MVP: variants seen among roughly 807,000 people sequenced by gnomAD.
MVP encodes major vault protein, also known as lung resistance-related protein.
In MVP, 62 loss-of-function variants were observed where a neutral mutation model predicts 83.5. The observed-to-expected ratio is 0.74, with a 90% CI of 0.61 to 0.92. The LOEUF is 0.92. Ranked by LOEUF, MVP falls within the 40% of genes least tolerant of loss-of-function variation. The pLI, the probability that MVP is intolerant of heterozygous loss-of-function variation, is 0.00. For missense variants in MVP, 1,000 were observed against 1,203.4 expected, an observed-to-expected ratio of 0.83 and a Z score of 2.50; for synonymous variants, 505 against 504.1, an observed-to-expected ratio of 1.00 and a Z score of -0.02.
In MVP at chr16:29,823,836, G is replaced by A. The variant is rs145132907; in HGVS notation, c.-36+3326G>A. 2.1e-3 allele frequency among the ~76,000 whole-genome samples: 312 copies of A among 145,462 alleles called. 2 individuals carry two copies. The highest frequency in any genetic ancestry group is 7.6e-3 in the African/African-American group (298 of 38,998). On this transcript the variant is annotated intron_variant, in intron 1 of 14. Transcript: ENST00000357402. ...CAGCCTGGGTGACAGAGCGAGACTCGTCTCAGAAAAAAAAAAAAAAAATGA... is the reference window on the plus strand; with the variant it reads ...CAGCCTGGGTGACAGAGCGAGACTCATCTCAGAAAAAAAAAAAAAAAATGA...
At position 29,823,122 on chromosome 16, in the gene MVP, C is replaced by CTTTTTTTTTTTTTTT. The variant is rs66512916; in HGVS notation, c.-36+2618_-36+2632dup. Among the ~76,000 whole-genome samples, 52 of 98,492 alleles carry CTTTTTTTTTTTTTTT rather than the reference C, an allele frequency of 5.3e-4. 1 individual carries two copies. Among genetic ancestry groups the CTTTTTTTTTTTTTTT allele is most frequent in the East Asian group, 1.0e-3 (4 of 3,950 alleles). The allele number at this position is 98,492 out of a possible 152,430, so 64.6% of individuals were successfully genotyped here. A position where few individuals can be genotyped will look rare whatever the true frequency, so the allele number is the denominator to read the frequency against. On this transcript the variant is annotated intron_variant, in intron 1 of 14. Transcript: ENST00000357402. ...TTTTTTTTTCCTTTTCTTTTCTTTT[C>CTTTTTTTTTTTTTTT]TTTTTTTTTTTTTTTTTTTTGAGAT...
At chr16:29,846,043 G>A (rs1204819359) in intron 12 of MVP, 64 bp downstream of exon 12, 28 of 1,611,274 alleles carry the variant, frequency 1.7e-5, no homozygotes, top group Non-Finnish European at 2.4e-5. Context: ...CAGCTGGTGT[G>A]GGCAGCAGGC....
At chr16:29,846,001 G>A (rs1408981637) in intron 12 of MVP, 22 bp downstream of exon 12, 1 of 1,613,868 alleles carries the variant, frequency 6.2e-7, no homozygotes, top group South Asian at 1.1e-5. Context: ...ACTAGAGGAG[G>A]AGACTGGCAG....
Position 29,832,209 on chromosome 16 carries a change from G to T in MVP, c.321+1136G>T, listed in dbSNP as rs894475145. Among the ~76,000 whole-genome samples, 65 of 151,714 alleles carry T rather than the reference G, an allele frequency of 4.3e-4. 1 individual carries two copies. The highest frequency in any genetic ancestry group is 1.4e-3 in the African/African-American group (57 of 41,384). ...GTGCAGACAGTTTGGGGGAAGAAGT[G>T]TGTGTGTAGAGAGAAAATGAAGAAT... On this transcript the variant is annotated intron_variant, in intron 3 of 14. Transcript: ENST00000357402.
chr16:29,841,588 G>T lies in MVP; in HGVS notation c.1192-8G>T, dbSNP rs199637586. 8 of 1,578,084 alleles carry T rather than the reference G, an allele frequency of 5.1e-6. No homozygotes were observed. Among genetic ancestry groups the T allele is most frequent in the Non-Finnish European group, 6.9e-6 (8 of 1,159,754 alleles). ...ACGGGCAGCTTCCCTCCCTGTCCTC[G>T]TCCCAAGGTGCGCGCTGTGATTGGA... is the stretch of plus-strand genomic sequence containing the variant. On this transcript the variant is annotated splice_polypyrimidine_tract_variant and splice_region_variant and intron_variant, in intron 8 of 14. Transcript: ENST00000357402. This position sits in a 1 kb window ranked among gnomAD's most constrained non-coding sequence, Gnocchi z 4.7.
chr16:29,820,610 T>G (rs1446448294), intron 1 of MVP, 100 bp downstream of exon 1: 3 of 152,370 alleles, frequency 2.0e-5, no homozygotes, highest in Non-Finnish European at 4.4e-5. Flanking sequence ...AGGGCCTTGC[T>G]TCTGCTGGGG....
intron 1 of MVP, chr16:29,826,027 G>C (rs2067402568): frequency 6.6e-6 from 1 of 152,252 alleles, no homozygotes; most frequent in Admixed American, 6.5e-5. Context: ...TTCCATCCCT[G>C]CAGCTGGGGT....
chr16:29,844,209 C>A (rs747522915), intron 10 of MVP, among the ~76,000 whole-genome samples: 2 of 152,094 alleles, frequency 1.3e-5, no homozygotes, highest in Non-Finnish European at 2.9e-5. Context: ...TAAAGGAGAA[C>A]GTGTGTTAAG....
At chr16:29,833,695 C>A (rs777546849) in intron 3 of MVP, 38 bp from the exon 4 acceptor site, 1 of 1,612,676 alleles carries the variant, frequency 6.2e-7, no homozygotes, top group Non-Finnish European at 8.5e-7. Flanking sequence ...GGGGTCACAG[C>A]ACTGATGGTT....
Position 29,844,886 on chromosome 16 carries a change from G to A in MVP, c.2021+7G>A. The stretch of plus-strand genomic sequence containing the variant: ...CCCAGGAAGCGGCGGCCAAGTAAGT[G>A]AGGCTGGGAGCTCGGCTGCCTATAA... On this transcript the variant is annotated splice_region_variant and intron_variant, in intron 11 of 14. Transcript: ENST00000357402. 1 of 1,594,550 alleles carries A rather than the reference G, an allele frequency of 6.3e-7. No homozygotes were observed. The highest frequency in any genetic ancestry group is 8.5e-7 in the Non-Finnish European group (1 of 1,175,944).
chr16:29,828,214 C>T (rs574061885), intron 1 of MVP, among the ~76,000 whole-genome samples: 15 of 152,046 alleles, frequency 9.9e-5, no homozygotes, highest in African/African-American at 3.6e-4. Context: ...CGACCTCAGC[C>T]TCCCAAAGTG....
intron 10 of MVP, among the ~76,000 whole-genome samples, chr16:29,844,116 C>G (rs2067560489): frequency 6.6e-6 from 1 of 152,214 alleles, no homozygotes; most frequent in Non-Finnish European, 1.5e-5. Flanking sequence ...GGGCCAGCCA[C>G]TTGACTTCCC....
chr16:29,847,299 G>T lies in MVP; in HGVS notation c.2368G>T (p.Val790Leu). 6.2e-7 allele frequency: 1 copy of T among 1,612,456 alleles called. No homozygotes were observed. The highest frequency in any genetic ancestry group is 8.5e-7 in the Non-Finnish European group (1 of 1,179,586). Residue 790 changes from valine (V) to leucine (L), a missense_variant, in exon 14 of 15, where the codon GTG (valine) becomes TTG (leucine). Transcript: ENST00000357402. ...EVSKAQQLAEVEVKKFKQMTE... is the reference protein window; with the variant it reads ...EVSKAQQLAELEVKKFKQMTE... ...GAGCAAGGCTCAGCAGCTGGCTGAG[G>T]TGGAGGTGAAGAAGTTCAAGCAGAT...
intron 3 of MVP, among the ~76,000 whole-genome samples, chr16:29,832,070 G>A (rs1040737882): frequency 2.0e-5 from 3 of 152,118 alleles, no homozygotes; most frequent in East Asian, 3.9e-4. Flanking sequence ...ATGAGCCACC[G>A]TGTCCAGCCC....
intron 1 of MVP, among the ~76,000 whole-genome samples, chr16:29,821,995 A>G (rs749456660): frequency 5.3e-5 from 8 of 151,950 alleles, no homozygotes; most frequent in Non-Finnish European, 8.8e-5. Flanking sequence ...GGAGGCCCGA[A>G]TGGGAGGATG....
intron 2 of MVP, 77 bp downstream of exon 2, chr16:29,830,751 T>A: frequency 6.3e-7 from 1 of 1,581,942 alleles, no homozygotes; most frequent in Non-Finnish European, 8.6e-7. Context: ...GTCCTTATCC[T>A]CCTCCCTCTT....
rs1050809 is a variant in MVP, at chr16:29,846,185, C to A, written c.2166C>A (p.Ala722=). 6.2e-7 allele frequency: 1 copy of A among 1,610,382 alleles called. No individual in the cohort carries two copies. Among genetic ancestry groups the A allele is most frequent in the Non-Finnish European group, 8.5e-7 (1 of 1,178,460 alleles). Residue 722 remains alanine (A), a synonymous_variant, in exon 13 of 15, where the codon GCC becomes GCA. Transcript: ENST00000357402. ...TGGCCGTGGAGAGCACCGGGACTGC[C>A]AAGGCGGAGGCCGAGTCCCGTGCGG... ...LSMAVESTGT[A]KAEAESRAEA...
chr16:29,845,763 C>A, intron 11 of MVP, 100 bp from the exon 12 acceptor site: 1 of 975,694 alleles, frequency 1.0e-6, no homozygotes, highest in Non-Finnish European at 1.5e-6. Context: ...GGGCTGGGGT[C>A]TGTCCTGGGC....
chr16:29,834,486 C>G, intron 5 of MVP: 1 of 240,786 alleles, frequency 4.2e-6, no homozygotes, highest in South Asian at 4.8e-5. Context: ...CTGAGCAACA[C>G]AGTGAGACCC....
Sources: gnomAD v4.1 joint callset for allele counts (sites outside exome capture counted in the v4.1 genomes callset) on GRCh38, gnomAD v4.1.1 for gene constraint, Gnocchi (gnomAD v3.1) non-coding constraint, MANE v1.5 for transcripts, NCBI Gene and HGNC (gene_info 2026-07-23, HGNC 2026-07-21) for gene names.